Variants in DAAM1 observed in about 807,000 individuals in gnomAD.
The protein encoded by DAAM1 is dishevelled associated activator of morphogenesis 1.
A neutral mutation model predicts 130.0 loss-of-function variants in DAAM1; 52 were observed. The observed-to-expected ratio is 0.40, with a 90% CI of 0.32 to 0.50. DAAM1 has a LOEUF of 0.50. Among genes scored for constraint, DAAM1 ranks in the 20% least tolerant of loss-of-function variants. DAAM1 has a pLI of 0.61. For missense variants in DAAM1, 1,134 were observed against 1,303.8 expected (o/e 0.87, Z 2.01); for synonymous variants, 452 against 444.5 (o/e 1.02, Z -0.21).
chr14:59,291,744 A>C (rs1407571431), intron 3 of DAAM1, among the ~76,000 whole-genome samples: 2 of 152,070 alleles, frequency 1.3e-5, no homozygotes, highest in Non-Finnish European at 2.9e-5. Context: ...TTCATGTTCC[A>C]AACCAGCGAT....
In DAAM1 at chr14:59,314,709, G is replaced by A. The variant is rs540285766; in HGVS notation, c.274-571G>A. 5.0e-4 allele frequency among the ~76,000 whole-genome samples: 76 copies of A among 152,254 alleles called. 1 individual carries two copies. The highest frequency in any genetic ancestry group is 1.8e-3 in the African/African-American group (75 of 41,550). ...TGAGCTGTCACAGCATGAGGGCTGC[G>A]CCTGGAACTAATGTGAGTTCATTTT... On this transcript the variant is annotated intron_variant, in intron 3 of 24. Transcript: ENST00000360909.
At chr14:59,285,727 T>C (rs1348929333) in intron 2 of DAAM1, among the ~76,000 whole-genome samples, 1 of 152,122 alleles carries the variant, frequency 6.6e-6, no homozygotes, top group African/African-American at 2.4e-5. Flanking sequence ...GACTTAACTA[T>C]CCTAAATATA....
At chr14:59,252,845 G>T (rs1184377974) in intron 1 of DAAM1, among the ~76,000 whole-genome samples, 4 of 152,202 alleles carry the variant, frequency 2.6e-5, no homozygotes, top group African/African-American at 9.7e-5. Context: ...TTAACCTTTA[G>T]ACTATGCCTG....
At chr14:59,315,194 G>A (rs188299652) in intron 3 of DAAM1, 86 bp from the exon 4 acceptor site, 22 of 1,199,932 alleles carry the variant, frequency 1.8e-5, no homozygotes, top group Non-Finnish European at 2.5e-6. Flanking sequence ...GTGGGTCATT[G>A]TCTGGGTGCT....
intron 2 of DAAM1, chr14:59,264,506 A>G (rs905605013): frequency 6.6e-6 from 1 of 152,242 alleles, no homozygotes; most frequent in African/African-American, 2.4e-5. Context: ...TAGGTTTGAT[A>G]TAATGTTTCA....
Position 59,238,140 on chromosome 14 carries a change from C to T in DAAM1, c.-37-25301C>T, listed in dbSNP as rs551019076. Among the ~76,000 whole-genome samples the T allele has an allele frequency of 3.3e-5, 5 of 152,062 alleles. No homozygotes were observed. In the South Asian group the frequency reaches 1.0e-3, roughly 32 times the overall value. On this transcript the variant is annotated intron_variant, in intron 1 of 24. Transcript: ENST00000360909. ...AAATGAGAGAAAGTTCAAGGGGATCCGAGGTAAATGTCTGTCCCAGATCCA... is the reference window on the plus strand; with the variant it reads ...AAATGAGAGAAAGTTCAAGGGGATCTGAGGTAAATGTCTGTCCCAGATCCA...
At chr14:59,224,323 G>A (rs1888869453) in intron 1 of DAAM1, among the ~76,000 whole-genome samples, 1 of 152,212 alleles carries the variant, frequency 6.6e-6, no homozygotes, top group Non-Finnish European at 1.5e-5. Flanking sequence ...GGTCAAATGG[G>A]AGAGCTGAAT....
chr14:59,362,563 G>A (rs745591577), intron 22 of DAAM1: 8 of 151,536 alleles, frequency 5.3e-5, no homozygotes, highest in Admixed American at 2.0e-4. Flanking sequence ...ATCAGTGCCA[G>A]CTCCATAATT....
At chr14:59,265,027 T>C (rs1882368710) in intron 2 of DAAM1, 1 of 152,272 alleles carries the variant, frequency 6.6e-6, no homozygotes, top group Non-Finnish European at 1.5e-5. Flanking sequence ...TAGTTCTAAA[T>C]GGACCATTTA....
At chr14:59,349,215 G>A (rs985420762) in intron 17 of DAAM1, among the ~76,000 whole-genome samples, 1 of 152,208 alleles carries the variant, frequency 6.6e-6, no homozygotes, top group Non-Finnish European at 1.5e-5. Flanking sequence ...TATGTGTAAA[G>A]CCACTTTAGT....
intron 16 of DAAM1, among the ~76,000 whole-genome samples, chr14:59,342,572 A>C (rs546914830): frequency 2.9e-4 from 44 of 152,326 alleles, no homozygotes; most frequent in African/African-American, 1.1e-3. Flanking sequence ...CGTGTTCAAT[A>C]CTTTTTCTCT....
At chr14:59,294,829 T>C (rs1883892919) in intron 3 of DAAM1, among the ~76,000 whole-genome samples, 1 of 152,230 alleles carries the variant, frequency 6.6e-6, no homozygotes, top group African/African-American at 2.4e-5. Flanking sequence ...GGCCATGCTG[T>C]ATTTGCTTAT....
At chr14:59,355,369 G>T in intron 20 of DAAM1, 36 bp downstream of exon 20, 1 of 1,610,780 alleles carries the variant, frequency 6.2e-7, no homozygotes, top group Admixed American at 1.7e-5. Flanking sequence ...GGGGGAGCCA[G>T]GTGTGTAGGT....
chr14:59,337,808 T>G (rs1400684907), intron 15 of DAAM1, among the ~76,000 whole-genome samples: 2 of 152,166 alleles, frequency 1.3e-5, no homozygotes, highest in Admixed American at 6.5e-5. Context: ...CCTACAGGCA[T>G]TATTTGCACT....
At chr14:59,343,659 A>C (rs952032630) in intron 16 of DAAM1, among the ~76,000 whole-genome samples, 1 of 152,132 alleles carries the variant, frequency 6.6e-6, no homozygotes, top group Non-Finnish European at 1.5e-5. Flanking sequence ...TCTTCTTCAT[A>C]TTTTACAAAT....
At chr14:59,327,703 G>A (rs765137473) in intron 12 of DAAM1, among the ~76,000 whole-genome samples, 4 of 151,994 alleles carry the variant, frequency 2.6e-5, no homozygotes, top group African/African-American at 7.2e-5. Flanking sequence ...CACCGCGCCC[G>A]GCCTACTTGG....
chr14:59,288,916 TG>T lies in DAAM1; in HGVS notation c.184-2300del, dbSNP rs1444883392. On this transcript the variant is annotated intron_variant, in intron 2 of 24. Transcript: ENST00000360909. ...TGTTGTTTTTGTTTGTTTGTTTTTT[TG>T]TTGTTGTTTTTGTTTTTGAGATGAA... is the stretch of plus-strand genomic sequence containing the variant. Among the ~76,000 whole-genome samples the T allele has an allele frequency of 3.0e-5, 4 of 133,152 alleles. No individual in the cohort carries two copies. The East Asian group carries it at 8.0e-4, about 27-fold the overall frequency. 87.4% of individuals were successfully genotyped at this position (133,152 alleles called of 152,430 possible).
chr14:59,294,331 C>T (rs1296058122), intron 3 of DAAM1, among the ~76,000 whole-genome samples: 4 of 152,210 alleles, frequency 2.6e-5, no homozygotes, highest in African/African-American at 4.8e-5. Flanking sequence ...ATTTATGAAA[C>T]TTCTCTATCT....
At chr14:59,203,958 A>T (rs1344634849) in intron 1 of DAAM1, among the ~76,000 whole-genome samples, 1 of 152,210 alleles carries the variant, frequency 6.6e-6, no homozygotes, top group Non-Finnish European at 1.5e-5. Flanking sequence ...TCAAATTTGG[A>T]TTCATGATCG....
Sources: gnomAD v4.1 joint callset for allele counts (sites outside exome capture counted in the v4.1 genomes callset) on GRCh38, gnomAD v4.1.1 for gene constraint, MANE v1.5 for transcripts, NCBI Gene and HGNC (gene_info 2026-07-23, HGNC 2026-07-21) for gene names.